The following ITPR2 variants were observed in gnomAD, a reference collection of about 807,000 sequenced individuals.
ITPR2 encodes the protein inositol 1,4,5-trisphosphate-gated calcium channel ITPR2.
ITPR2 carries 207 observed loss-of-function variants against 317.1 expected under a neutral mutation model. The ratio of observed to expected loss-of-function variants is 0.65; its 90% CI spans 0.58 to 0.73. The LOEUF (loss-of-function observed/expected upper bound fraction) is 0.73, where lower values mean the gene tolerates loss of function less well. Among genes scored for constraint, ITPR2 ranks in the 30% least tolerant of loss-of-function variants. The probability of loss-of-function intolerance (pLI) is 0.00; values close to 1 mark genes in which losing one functional copy is unlikely to be tolerated. For missense variants in ITPR2, 2,613 were observed against 3,284.0 expected, an observed-to-expected ratio of 0.80 and a Z score of 4.99; for synonymous variants, 1,156 against 1,149.1, an observed-to-expected ratio of 1.01 and a Z score of -0.12.
intron 23 of ITPR2, among the ~76,000 whole-genome samples, chr12:26,625,763 C>T (rs1012556153): frequency 2.0e-5 from 3 of 152,106 alleles, no homozygotes; most frequent in Non-Finnish European, 4.4e-5. Flanking sequence ...TCAAAATATA[C>T]ATACAATTAG....
rs552346026 is a variant in ITPR2 at position 26,602,812 on chromosome 12, A to G, written c.3463-106T>C. 242 of 522,002 alleles carry G rather than the reference A, an allele frequency of 4.6e-4. 2 individuals carry two copies. Among genetic ancestry groups the G allele is most frequent in the Admixed American group, 2.5e-3 (63 of 25,638 alleles). The allele number at this position is 522,002 out of a possible 1,614,324, so 32.3% of individuals were successfully genotyped here. A position where few individuals can be genotyped will look rare whatever the true frequency, so the allele number is the denominator to read the frequency against. On this transcript the variant is annotated intron_variant, in intron 26 of 56. Coordinates refer to ENST00000381340, the MANE Select transcript of ITPR2 (RefSeq NM_002223.4). ...ATATTTTGTAATTATTTTGTAATAAATCTATTATTCAACTTAAATGTTTCT... is the reference window on the plus strand; with the variant it reads ...ATATTTTGTAATTATTTTGTAATAAGTCTATTATTCAACTTAAATGTTTCT...
intron 54 of ITPR2, among the ~76,000 whole-genome samples, chr12:26,396,264 G>GT (rs1939994576): frequency 6.6e-6 from 1 of 152,106 alleles, no homozygotes; most frequent in African/African-American, 2.4e-5. Context: ...ATCTTCCAAG[G>GT]TTGATGGAGT....
chr12:26,739,468 G>T (rs1288888450), intron 2 of ITPR2, among the ~76,000 whole-genome samples: 1 of 152,068 alleles, frequency 6.6e-6, no homozygotes, highest in Non-Finnish European at 1.5e-5. Context: ...AAAAACAAAA[G>T]AACAAATACT....
chr12:26,621,412 C>A (rs1946491217), intron 25 of ITPR2, 116 bp from the exon 26 acceptor site: 1 of 604,672 alleles, frequency 1.7e-6, no homozygotes, highest in South Asian at 3.8e-5. Flanking sequence ...GAACACTTAA[C>A]CAGTATTTTC....
chr12:26,585,851 A>G (rs890287818), intron 32 of ITPR2, among the ~76,000 whole-genome samples: 4 of 152,242 alleles, frequency 2.6e-5, no homozygotes, highest in African/African-American at 4.8e-5. Context: ...ATGCAAATAC[A>G]TACGCTGAAC....
At chr12:26,640,577 AT>A (rs1181218377) in intron 21 of ITPR2, among the ~76,000 whole-genome samples, 15 of 152,106 alleles carry the variant, frequency 9.9e-5, no homozygotes, top group Non-Finnish European at 1.9e-4. Flanking sequence ...TATTTTGATA[AT>A]TTTCCCCCCA....
chr12:26,532,197 G>A (rs1262457598), intron 37 of ITPR2, among the ~76,000 whole-genome samples: 5 of 152,202 alleles, frequency 3.3e-5, no homozygotes, highest in Non-Finnish European at 5.9e-5. Flanking sequence ...GCTAAAAGCA[G>A]TGTTCTTGTT....
intron 13 of ITPR2, among the ~76,000 whole-genome samples, chr12:26,679,461 G>C (rs1049620757): frequency 2.6e-5 from 4 of 152,198 alleles, no homozygotes; most frequent in Middle Eastern, 3.4e-3. Flanking sequence ...GCAGGAAATG[G>C]GACCCTGCAG....
chr12:26,655,680 C>T (rs952468203), intron 20 of ITPR2, 28 bp downstream of exon 20: 1 of 1,461,466 alleles, frequency 6.8e-7, no homozygotes, highest in Non-Finnish European at 9.3e-7. Flanking sequence ...GTTACCAAAA[C>T]ATCCTAAATA....
intron 55 of ITPR2, among the ~76,000 whole-genome samples, chr12:26,350,982 C>T (rs1246830263): frequency 1.3e-5 from 2 of 152,152 alleles, no homozygotes; most frequent in African/African-American, 4.8e-5. Flanking sequence ...AGGGAGTGAC[C>T]CAGGACTGGG....
chr12:26,554,192 T>C (rs1944602551), intron 36 of ITPR2, among the ~76,000 whole-genome samples: 1 of 152,188 alleles, frequency 6.6e-6, no homozygotes, highest in Non-Finnish European at 1.5e-5. Context: ...ACCAGTGCTG[T>C]CTAACAGAAC....
At chr12:26,350,660 C>A (rs1431939711) in intron 55 of ITPR2, among the ~76,000 whole-genome samples, 1 of 151,974 alleles carries the variant, frequency 6.6e-6, no homozygotes. Context: ...GTGGGTCTCA[C>A]CCCCCAGACA....
At chr12:26,746,177 C>T (rs563897308) in intron 2 of ITPR2, among the ~76,000 whole-genome samples, 2 of 133,818 alleles carry the variant, frequency 1.5e-5, no homozygotes, top group East Asian at 4.5e-4. Context: ...GCACAAATAG[C>T]TGTGTATTCC....
At chr12:26,574,273 T>C (rs1433144387) in intron 34 of ITPR2, among the ~76,000 whole-genome samples, 1 of 152,152 alleles carries the variant, frequency 6.6e-6, no homozygotes, top group Admixed American at 6.5e-5. Context: ...AATTATTGTG[T>C]TCCTCCTCAG....
chr12:26,379,671 A>G (rs757853557), intron 55 of ITPR2, among the ~76,000 whole-genome samples: 2 of 152,052 alleles, frequency 1.3e-5, no homozygotes, highest in African/African-American at 2.4e-5. Flanking sequence ...GCATGATCCA[A>G]CAACTGAAGG....
At chr12:26,538,023 A>C (rs546287524) in intron 37 of ITPR2, among the ~76,000 whole-genome samples, 2 of 152,360 alleles carry the variant, frequency 1.3e-5, no homozygotes, top group East Asian at 1.9e-4. Context: ...TAACGTAAAA[A>C]AACAGTTGCC....
intron 43 of ITPR2, 72 bp downstream of exon 43, chr12:26,481,059 T>C: frequency 1.2e-6 from 1 of 815,000 alleles, no homozygotes; most frequent in Non-Finnish European, 2.0e-6. Flanking sequence ...AATATGCTTT[T>C]GACAAGAGCT....
At chr12:26,426,497 G>A (rs1002782458) in intron 49 of ITPR2, among the ~76,000 whole-genome samples, 2 of 152,120 alleles carry the variant, frequency 1.3e-5, no homozygotes, top group Non-Finnish European at 2.9e-5. Flanking sequence ...AGTGAGGCAG[G>A]TAGGGCTAAA....
chr12:26,596,805 G>C (rs1402549134), intron 31 of ITPR2, 78 bp downstream of exon 31: 1 of 1,165,140 alleles, frequency 8.6e-7, no homozygotes, highest in Non-Finnish European at 1.2e-6. Context: ...TATTAGTATG[G>C]GGGACTTCTG....
Sources: allele counts gnomAD v4.1 joint callset (sites outside exome capture counted in the v4.1 genomes callset), GRCh38; gene constraint gnomAD v4.1.1; transcripts MANE v1.5; gene names NCBI Gene and HGNC (gene_info 2026-07-23, HGNC 2026-07-21).